Variants in EIPR1 observed in about 807,000 individuals in gnomAD.
EIPR1 encodes EARP and GARP complex-interacting protein 1.
EIPR1 carries 25 observed loss-of-function variants against 48.1 expected under a neutral mutation model. The observed-to-expected ratio is 0.52, with a 90% CI of 0.38 to 0.73. The LOEUF (loss-of-function observed/expected upper bound fraction) is 0.73, where lower values mean the gene tolerates loss of function less well. Ranked by LOEUF, EIPR1 falls within the 30% of genes least tolerant of loss-of-function variation. EIPR1 has a pLI of 0.00. For missense variants in EIPR1, 415 were observed against 506.2 expected (o/e 0.82, Z 1.73); for synonymous variants, 204 against 201.9 (o/e 1.01, Z -0.09).
intron 3 of EIPR1, among the ~76,000 whole-genome samples, chr2:3,333,002 T>C (rs1385231885): frequency 6.6e-6 from 1 of 152,208 alleles, no homozygotes; most frequent in Admixed American, 6.5e-5. Flanking sequence ...AAATTTTCTA[T>C]CATTTTCTAA....
At chr2:3,366,243 G>A (rs1376304832) in intron 1 of EIPR1, among the ~76,000 whole-genome samples, 1 of 152,210 alleles carries the variant, frequency 6.6e-6, no homozygotes, top group Non-Finnish European at 1.5e-5. Context: ...AGGAGGCAGA[G>A]GTTGCAGTGA....
At chr2:3,212,277 T>A (rs1246472877) in intron 5 of EIPR1, among the ~76,000 whole-genome samples, 1 of 152,230 alleles carries the variant, frequency 6.6e-6, no homozygotes, top group Non-Finnish European at 1.5e-5. Flanking sequence ...GAAGATGTGT[T>A]CACAGTTTGA....
At chr2:3,254,098 C>T (rs1478609508) in intron 4 of EIPR1, among the ~76,000 whole-genome samples, 1 of 152,162 alleles carries the variant, frequency 6.6e-6, no homozygotes, top group Non-Finnish European at 1.5e-5. Flanking sequence ...ACAAAACCAC[C>T]ACCAAGCACC....
intron 3 of EIPR1, among the ~76,000 whole-genome samples, chr2:3,313,730 T>C (rs993560897): frequency 1.3e-5 from 2 of 152,188 alleles, no homozygotes; most frequent in African/African-American, 4.8e-5. Flanking sequence ...AGTAAGTGTT[T>C]GGATCTGGGT....
chr2:3,346,106 C>T (rs1355882765), intron 2 of EIPR1, among the ~76,000 whole-genome samples: 6 of 152,280 alleles, frequency 3.9e-5, no homozygotes, highest in Non-Finnish European at 8.8e-5. Flanking sequence ...ACCCCCTACA[C>T]CCCACAAACC....
Position 3,331,162 on chromosome 2 carries a change from T to G in EIPR1, c.259+6855A>C, listed in dbSNP as rs189981486. ...AGGCGTGTGCACACTCATGAGATGG[T>G]GTGAGCAGAGGCAGGTGTACACTCA... is the stretch of plus-strand genomic sequence containing the variant. On this transcript the variant is annotated intron_variant, in intron 3 of 8. Coordinates refer to ENST00000382125, the MANE Select transcript of EIPR1 (RefSeq NM_003310.5). 3.7e-4 allele frequency among the ~76,000 whole-genome samples: 44 copies of G among 119,640 alleles called. 8 individuals are homozygous for G. The highest frequency in any genetic ancestry group is 3.3e-3 in the Admixed American group (40 of 12,166). The allele number at this position is 119,640 out of a possible 152,430, so 78.5% of individuals were successfully genotyped here. A position where few individuals can be genotyped will look rare whatever the true frequency, so the allele number is the denominator to read the frequency against.
chr2:3,361,769 G>C (rs6727283), intron 1 of EIPR1, among the ~76,000 whole-genome samples: 1 of 139,808 alleles, frequency 7.2e-6, no homozygotes, highest in African/African-American at 2.6e-5. Context: ...TCCCTCACAC[G>C]GGCACCTCCA....
rs559651775 is a variant in EIPR1, at chr2:3,278,585, G to A, written c.260-21130C>T. ...ACCCTCTTCCTTCCTCACGACTTCC[G>A]ACCCCTGAGGTTGGCCTGGCCTGGC... On this transcript the variant is annotated intron_variant, in intron 3 of 8. Coordinates refer to ENST00000382125, the MANE Select transcript of EIPR1 (RefSeq NM_003310.5). 5.9e-5 allele frequency among the ~76,000 whole-genome samples: 9 copies of A among 152,218 alleles called. No individual in the cohort carries two copies. The South Asian group carries it at 6.2e-4, about 11-fold the overall frequency.
intron 4 of EIPR1, among the ~76,000 whole-genome samples, chr2:3,232,599 T>C (rs1052510591): frequency 2.0e-5 from 3 of 152,212 alleles, no homozygotes; most frequent in Non-Finnish European, 4.4e-5. Context: ...TACGTTGAGG[T>C]GCATCATCCG....
intron 1 of EIPR1, among the ~76,000 whole-genome samples, chr2:3,370,012 A>G (rs1166599822): frequency 6.6e-6 from 1 of 152,126 alleles, no homozygotes; most frequent in Non-Finnish European, 1.5e-5. Context: ...CTGACACCTC[A>G]CACGGCCGGG....
chr2:3,201,066 T>C (rs948787879), intron 5 of EIPR1, among the ~76,000 whole-genome samples: 23 of 152,174 alleles, frequency 1.5e-4, no homozygotes, highest in African/African-American at 4.6e-4. Context: ...AGGAACCACA[T>C]TGGGCTTTGG....
intron 3 of EIPR1, 32 bp from the exon 4 acceptor site, chr2:3,257,487 C>G: frequency 6.2e-7 from 1 of 1,611,058 alleles, no homozygotes; most frequent in East Asian, 2.2e-5. Context: ...ATAATGTCAA[C>G]AGAGCACGGT....
intron 3 of EIPR1, among the ~76,000 whole-genome samples, chr2:3,316,417 A>G (rs1669303926): frequency 6.6e-6 from 1 of 152,084 alleles, no homozygotes; most frequent in Non-Finnish European, 1.5e-5. Context: ...TTATCTATTT[A>G]TTTATTTATT....
At chr2:3,209,982 C>T (rs1209086553) in intron 5 of EIPR1, among the ~76,000 whole-genome samples, 2 of 152,158 alleles carry the variant, frequency 1.3e-5, no homozygotes, top group African/African-American at 4.8e-5. Context: ...TCCAAACCCA[C>T]AGAACATCCA....
intron 2 of EIPR1, among the ~76,000 whole-genome samples, chr2:3,341,291 G>GT (rs1456950387): frequency 1.3e-5 from 2 of 152,096 alleles, no homozygotes; most frequent in Non-Finnish European, 2.9e-5. Context: ...ACCAACTGAG[G>GT]TAACGACAGA....
intron 3 of EIPR1, among the ~76,000 whole-genome samples, chr2:3,294,107 T>C (rs571112727): frequency 1.7e-3 from 256 of 152,274 alleles, no homozygotes; most frequent in Non-Finnish European, 3.1e-3. Context: ...TTTAAAGTCA[T>C]AAATGATAAT....
chr2:3,294,790 ACCCTCCATCCAGCCCATCCTCTCTC>A, intron 3 of EIPR1, among the ~76,000 whole-genome samples: 1 of 93,084 alleles, frequency 1.1e-5, no homozygotes, highest in African/African-American at 4.4e-5. Flanking sequence ...CTACATACAC[ACCCTCCATCCAGCCCATCCTCTCTC>A]CACACACCCT....
chr2:3,257,432 A>G lies in EIPR1; in HGVS notation c.283T>C (p.Cys95Arg), dbSNP rs777791892. The change falls in exon 4 of 9, where the codon TGT becomes CGT. Residue 95 changes from cysteine to arginine, a missense_variant. Physicochemically the swap from Cys to Arg is radical, Grantham distance 180. Coordinates refer to ENST00000382125, the MANE Select transcript of EIPR1 (RefSeq NM_003310.5). ...NRTSDSKVLT[C>R]AAVWRMPKEL... ...TTCGGCATCCTCCACACGGCTGCAC[A>G]TGTCAGGACTTTGCTGTCTGAAGCT... 6.8e-6 allele frequency: 11 copies of G among 1,614,210 alleles called. No individual in the cohort carries two copies. Among genetic ancestry groups the G allele is most frequent in the Non-Finnish European group, 9.3e-6 (11 of 1,180,038 alleles).
At chr2:3,288,415 C>T (rs12471210) in intron 3 of EIPR1, among the ~76,000 whole-genome samples, 59,458 of 152,088 alleles carry the variant, frequency 0.39, 12,310 homozygotes, top group East Asian at 0.78. Context: ...TACCACGTTA[C>T]AGCTGAACAT....
Sources: gnomAD v4.1 joint callset for allele counts (sites outside exome capture counted in the v4.1 genomes callset) on GRCh38, gnomAD v4.1.1 for gene constraint, MANE v1.5 for transcripts, NCBI Gene and HGNC (gene_info 2026-07-23, HGNC 2026-07-21) for gene names.